EFCAB13: variants seen among roughly 807,000 people sequenced by gnomAD.
The protein encoded by EFCAB13 is EF-hand calcium-binding domain-containing protein 13.
EFCAB13 carries 91 observed loss-of-function variants against 110.2 expected under a neutral mutation model. The observed-to-expected ratio is 0.83, with a 90% CI of 0.70 to 0.98. The LOEUF (loss-of-function observed/expected upper bound fraction) is 0.98, where lower values mean the gene tolerates loss of function less well. Ranked by LOEUF, EFCAB13 falls within the 50% of genes least tolerant of loss-of-function variation. The probability of loss-of-function intolerance (pLI) is 0.00; values close to 1 mark genes in which losing one functional copy is unlikely to be tolerated. For missense variants in EFCAB13, 968 were observed against 1,119.4 expected (o/e 0.86, Z 1.93); for synonymous variants, 323 against 369.9 (o/e 0.87, Z 1.45).
intron 14 of EFCAB13, among the ~76,000 whole-genome samples, chr17:47,380,693 C>G (rs112541091): frequency 0.05 from 7,597 of 152,198 alleles, 253 homozygotes; most frequent in East Asian, 0.11. Context: ...TACATTCCCA[C>G]CAACAGTGTA....
At chr17:47,370,657 C>T in intron 11 of EFCAB13, 149 bp downstream of exon 11, 1 of 522,106 alleles carries the variant, frequency 1.9e-6, no homozygotes, top group Admixed American at 3.8e-5. Flanking sequence ...AAATATAATA[C>T]TCAAAATGCT....
intron 9 of EFCAB13, among the ~76,000 whole-genome samples, chr17:47,358,739 A>C (rs2065494143): frequency 6.6e-6 from 1 of 152,158 alleles, no homozygotes; most frequent in Non-Finnish European, 1.5e-5. Context: ...TTCTCACCTC[A>C]ATAGTACACA....
chr17:47,370,738 G>GTTTTTTTTTTTTTT (rs764924546), intron 11 of EFCAB13, among the ~76,000 whole-genome samples: 1 of 127,204 alleles, frequency 7.9e-6, no homozygotes, highest in Non-Finnish European at 1.7e-5. Context: ...GTTGTTGTTT[G>GTTTTTTTTTTTTTT]TTTTTTTTTT....
chr17:47,325,955 TATATATAG>T lies in EFCAB13; in HGVS notation c.-247-270_-247-263del, dbSNP rs1178456486. On this transcript the variant is annotated intron_variant, in intron 2 of 24. Coordinates refer to ENST00000331493, the MANE Select transcript of EFCAB13 (RefSeq NM_152347.5). ...ATATATATATATATATATATATATA[TATATATAG>T]CATATATATATTTTGTTCATTGGTA... Among the ~76,000 whole-genome samples the T allele has an allele frequency of 1.4e-4, 16 of 117,662 alleles. No individual in the cohort carries two copies. The East Asian group carries it at 2.0e-3, about 15-fold the overall frequency. The allele number at this position is 117,662 out of a possible 152,430, so 77.2% of individuals were successfully genotyped here. A position where few individuals can be genotyped will look rare whatever the true frequency, so the allele number is the denominator to read the frequency against.
At chr17:47,414,288 T>C (rs963264129) in intron 22 of EFCAB13, among the ~76,000 whole-genome samples, 2 of 152,164 alleles carry the variant, frequency 1.3e-5, no homozygotes, top group African/African-American at 4.8e-5. Context: ...TACATGTGCA[T>C]GTATGTGTGT....
At chr17:47,391,805 A>G (rs926410632) in intron 15 of EFCAB13, among the ~76,000 whole-genome samples, 3 of 152,002 alleles carry the variant, frequency 2.0e-5, no homozygotes, top group African/African-American at 7.2e-5. Context: ...AATTTTATTT[A>G]TTTATTCTTT....
intron 14 of EFCAB13, among the ~76,000 whole-genome samples, chr17:47,388,810 T>C (rs1201673237): frequency 6.6e-6 from 1 of 152,190 alleles, no homozygotes; most frequent in Non-Finnish European, 1.5e-5. Context: ...AATTTATGTT[T>C]AACTCTTAAA....
chr17:47,436,167 C>T (rs187284099), intron 24 of EFCAB13, among the ~76,000 whole-genome samples: 181 of 152,192 alleles, frequency 1.2e-3, no homozygotes, highest in Admixed American at 2.2e-3. Flanking sequence ...TCGTTGGATT[C>T]GGTTAGCTAG....
intron 9 of EFCAB13, among the ~76,000 whole-genome samples, chr17:47,353,371 T>C (rs1194422552): frequency 1.3e-5 from 2 of 152,098 alleles, no homozygotes; most frequent in African/African-American, 2.4e-5. Flanking sequence ...CTTGGCTCAC[T>C]GCAACCTCTG....
chr17:47,427,373 T>C (rs1254687815), intron 23 of EFCAB13, among the ~76,000 whole-genome samples: 2 of 152,124 alleles, frequency 1.3e-5, no homozygotes, highest in Non-Finnish European at 2.9e-5. Flanking sequence ...ATTATCCTTT[T>C]CTTCTTTAGA....
At chr17:47,365,082 T>C (rs2065538476) in intron 10 of EFCAB13, among the ~76,000 whole-genome samples, 1 of 152,210 alleles carries the variant, frequency 6.6e-6, no homozygotes, top group Non-Finnish European at 1.5e-5. Context: ...TGTTATACAC[T>C]CTTATAGCAC....
At chr17:47,360,396 A>G (rs1219213562) in intron 9 of EFCAB13, among the ~76,000 whole-genome samples, 2 of 151,220 alleles carry the variant, frequency 1.3e-5, no homozygotes, top group Non-Finnish European at 2.9e-5. Flanking sequence ...GCATTTTTTC[A>G]TGTGTCTTTT....
At chr17:47,331,476 T>C (rs1047562787) in intron 4 of EFCAB13, among the ~76,000 whole-genome samples, 13 of 152,068 alleles carry the variant, frequency 8.5e-5, no homozygotes, top group African/African-American at 3.1e-4. Flanking sequence ...AATAGAGAGT[T>C]ACCATATACC....
At chr17:47,327,119 G>C (rs78024734) in intron 3 of EFCAB13, among the ~76,000 whole-genome samples, 1 of 152,112 alleles carries the variant, frequency 6.6e-6, no homozygotes, top group Non-Finnish European at 1.5e-5. Flanking sequence ...TGAAAGTCTT[G>C]AGTTTGAAGT....
At chr17:47,328,206 T>TCGCCGTATCATTAAA in intron 3 of EFCAB13, 63 bp from the exon 4 acceptor site, 2 of 754,872 alleles carry the variant, frequency 2.6e-6, no homozygotes, top group Admixed American at 2.2e-5. Context: ...TTCAGGTAGG[T>TCGCCGTATCATTAAA]AAATATAATT....
chr17:47,367,530 C>T (rs765215046), intron 10 of EFCAB13, among the ~76,000 whole-genome samples: 34 of 152,106 alleles, frequency 2.2e-4, no homozygotes, highest in Non-Finnish European at 3.2e-4. Context: ...GCTGTGGTCC[C>T]GCTGAGGAAG....
At chr17:47,418,054 T>A (rs552467108) in intron 23 of EFCAB13, among the ~76,000 whole-genome samples, 1 of 152,302 alleles carries the variant, frequency 6.6e-6, no homozygotes, top group South Asian at 2.1e-4. Flanking sequence ...AAAGGCAGTC[T>A]CTTCCTTGCT....
chr17:47,395,182 C>T (rs914319399), intron 16 of EFCAB13, among the ~76,000 whole-genome samples: 23 of 152,280 alleles, frequency 1.5e-4, no homozygotes, highest in Admixed American at 3.3e-4. Flanking sequence ...CTCTCAACCC[C>T]GAATGAACCC....
intron 14 of EFCAB13, among the ~76,000 whole-genome samples, chr17:47,384,965 G>A (rs1322860980): frequency 2.0e-5 from 3 of 152,170 alleles, no homozygotes; most frequent in Admixed American, 1.3e-4. Context: ...TAGAGATGGG[G>A]TTTCACCGTG....
Sources: allele counts gnomAD v4.1 joint callset (sites outside exome capture counted in the v4.1 genomes callset), GRCh38; gene constraint gnomAD v4.1.1; transcripts MANE v1.5; gene names NCBI Gene and HGNC (gene_info 2026-07-23, HGNC 2026-07-21).